MICAL2: variants seen among roughly 807,000 people sequenced by gnomAD.
The protein encoded by MICAL2 is microtubule associated monooxygenase, calponin and LIM domain containing 2, also known as [F-actin]-monooxygenase MICAL2.
MICAL2 carries 77 observed loss-of-function variants against 127.3 expected under a neutral mutation model. The ratio of observed to expected loss-of-function variants is 0.60; its 90% confidence interval spans 0.50 to 0.73. The LOEUF is 0.73. Among genes scored for constraint, MICAL2 ranks in the 30% least tolerant of loss-of-function variants. The pLI, the probability that MICAL2 is intolerant of heterozygous loss-of-function variation, is 0.00. For missense variants in MICAL2, 1,351 were observed against 1,434.4 expected, an observed-to-expected ratio of 0.94 and a Z score of 0.94; for synonymous variants, 570 against 551.1, an observed-to-expected ratio of 1.03 and a Z score of -0.48.
chr11:12,341,630 C>A (rs972045877), intron 32 of MICAL2, among the ~76,000 whole-genome samples: 1 of 152,044 alleles, frequency 6.6e-6, no homozygotes, highest in Admixed American at 6.6e-5. Context: ...AGTTCAAGAC[C>A]AGCCTGGCCA....
At chr11:12,169,477 T>A (rs1855972460) in intron 3 of MICAL2, among the ~76,000 whole-genome samples, 1 of 152,106 alleles carries the variant, frequency 6.6e-6, no homozygotes. Flanking sequence ...CCTCCGCCTC[T>A]CAGGTTCAAG....
intron 2 of MICAL2, among the ~76,000 whole-genome samples, chr11:12,152,889 C>T (rs887983333): frequency 6.6e-6 from 1 of 151,304 alleles, no homozygotes; most frequent in Non-Finnish European, 1.5e-5. Flanking sequence ...ACCACAGATT[C>T]TATTCCCTGG....
chr11:12,336,938 G>C (rs1190708803), intron 32 of MICAL2, among the ~76,000 whole-genome samples: 4 of 152,104 alleles, frequency 2.6e-5, no homozygotes, highest in Admixed American at 1.3e-4. Flanking sequence ...TCTCTACCAG[G>C]CTTTGGTATC....
intron 2 of MICAL2, among the ~76,000 whole-genome samples, chr11:12,144,789 T>G (rs1317554415): frequency 6.6e-5 from 10 of 152,210 alleles, no homozygotes; most frequent in Admixed American, 1.3e-4. Context: ...TCCAGTTAGT[T>G]CAGCAACTGA....
chr11:12,161,829 C>T lies in MICAL2; in HGVS notation c.-77-250C>T, dbSNP rs1163019066. ...GCATTAGCCAGGGCATAGCCCTGTG[C>T]AATCTGTGGTACTTTTCAGCCAGCA... is the stretch of plus-strand genomic sequence containing the variant. On this transcript the variant is annotated intron_variant, in intron 2 of 27. Coordinates refer to ENST00000683283, the MANE Select transcript of MICAL2 (RefSeq NM_001282663.2). 5.2e-5 allele frequency: 20 copies of T among 383,326 alleles called. No individual in the cohort carries two copies. The East Asian group carries it at 7.3e-4, about 14-fold the overall frequency. The allele number at this position is 383,326 out of a possible 1,614,324, so 23.7% of individuals were successfully genotyped here. A position where few individuals can be genotyped will look rare whatever the true frequency, so the allele number is the denominator to read the frequency against.
chr11:12,287,185 G>C, exon 3 of MICAL2: 3 of 398,976 alleles, frequency 7.5e-6, no homozygotes, highest in Non-Finnish European at 1.3e-5. Flanking sequence ...AGCTCTCTGG[G>C]GGTGGGAGGC....
At chr11:12,135,085 C>T (rs1294857421) in intron 1 of MICAL2, among the ~76,000 whole-genome samples, 2 of 152,164 alleles carry the variant, frequency 1.3e-5, no homozygotes, top group East Asian at 1.9e-4. Context: ...AGCATGTGCA[C>T]ACCCCATGTA....
At position 12,258,493 on chromosome 11, in the gene MICAL2, C is replaced by T; in HGVS notation, c.3168C>T (p.Phe1056=). ...GCAAATTTTACTGCAAGCCTCACTT[C>T]ATTCACTGTAAAACCAATAGCAAAC... is the stretch of plus-strand genomic sequence containing the variant. ...DEGKFYCKPH[F]IHCKTNSKQR... is the part of the protein sequence containing the mutation. Residue 1056 remains phenylalanine (F), a synonymous_variant, in exon 25 of 28, where the codon TTC becomes TTT. Transcript: ENST00000683283. The T allele has an allele frequency of 3.1e-6, 5 of 1,614,204 alleles. No individual in the cohort carries two copies. The highest frequency in any genetic ancestry group is 4.2e-6 in the Non-Finnish European group (5 of 1,180,034).
intron 33 of MICAL2, among the ~76,000 whole-genome samples, chr11:12,353,737 G>A (rs1939088827): frequency 6.6e-6 from 1 of 152,124 alleles, no homozygotes; most frequent in Non-Finnish European, 1.5e-5. Flanking sequence ...TGGAAATGCT[G>A]AGCCCCCAGC....
intron 2 of MICAL2, among the ~76,000 whole-genome samples, chr11:12,156,105 G>A (rs75704435): frequency 6.6e-6 from 1 of 152,198 alleles, no homozygotes; most frequent in South Asian, 2.1e-4. Flanking sequence ...GGCATAGAAG[G>A]CCAGGGCCTG....
At chr11:12,264,918 G>A (rs141252900), downstream of MICAL2, among the ~76,000 whole-genome samples, 2 of 152,296 alleles carry the variant, frequency 1.3e-5, no homozygotes, top group East Asian at 1.9e-4. Flanking sequence ...ATGTGGCTCA[G>A]TATTGCTGTA....
intron 7 of MICAL2, 119 bp downstream of exon 7, chr11:12,213,529 A>G: frequency 1.0e-6 from 1 of 968,340 alleles, no homozygotes; most frequent in Non-Finnish European, 1.5e-6. Flanking sequence ...ACTCTGATAG[A>G]GTGGAAGCAA....
chr11:12,224,486 T>TC, intron 12 of MICAL2, 187 bp from the exon 13 acceptor site: 1 of 651,576 alleles, frequency 1.5e-6, no homozygotes, highest in Non-Finnish European at 2.6e-6. Flanking sequence ...CCTGCCACAC[T>TC]CCTGACCAGG....
chr11:12,131,390 C>G (rs961532853), intron 1 of MICAL2, among the ~76,000 whole-genome samples: 4 of 152,154 alleles, frequency 2.6e-5, no homozygotes, highest in South Asian at 4.1e-4. Context: ...ACCAGCTCCC[C>G]CTTCTCATCC....
intron 3 of MICAL2, among the ~76,000 whole-genome samples, chr11:12,203,830 C>G (rs942309987): frequency 6.6e-6 from 1 of 152,050 alleles, no homozygotes; most frequent in Non-Finnish European, 1.5e-5. Flanking sequence ...ACACTATTAC[C>G]TAATTCAAGA....
chr11:12,131,780 G>A (rs1851437508), intron 1 of MICAL2, among the ~76,000 whole-genome samples: 1 of 152,076 alleles, frequency 6.6e-6, no homozygotes, highest in African/African-American at 2.4e-5. Flanking sequence ...TGTGACTTTG[G>A]GTAAGTGTTT....
At chr11:12,335,937 G>A (rs1428056434) in intron 32 of MICAL2, among the ~76,000 whole-genome samples, 2 of 152,146 alleles carry the variant, frequency 1.3e-5, no homozygotes, top group African/African-American at 4.8e-5. Context: ...GACAATGCGG[G>A]CTCTTTTTTG....
intron 8 of MICAL2, among the ~76,000 whole-genome samples, chr11:12,218,664 A>G (rs1856474225): frequency 6.6e-6 from 1 of 152,020 alleles, no homozygotes; most frequent in Non-Finnish European, 1.5e-5. Context: ...AAATAACAGG[A>G]ATTCCATCCT....
At chr11:12,354,983 G>C (rs958905197) in intron 34 of MICAL2, 9 of 801,796 alleles carry the variant, frequency 1.1e-5, no homozygotes, top group Non-Finnish European at 1.8e-5. Context: ...AAAGTACAAA[G>C]CCAGCCTGCC....
Sources: gnomAD v4.1 joint callset for allele counts (sites outside exome capture counted in the v4.1 genomes callset) on GRCh38, gnomAD v4.1.1 for gene constraint, MANE v1.5 for transcripts, NCBI Gene and HGNC (gene_info 2026-07-23, HGNC 2026-07-21) for gene names.